The following SH3RF1 variants were observed in gnomAD, a reference collection of about 807,000 sequenced individuals.
SH3RF1 encodes the protein E3 ubiquitin-protein ligase SH3RF1.
In SH3RF1, 32 loss-of-function variants were observed where a neutral mutation model predicts 74.0. The ratio of observed to expected loss-of-function variants is 0.43; its 90% CI spans 0.33 to 0.58. The LOEUF is 0.58. Ranked by LOEUF, SH3RF1 falls within the 20% of genes least tolerant of loss-of-function variation. The pLI, the probability that SH3RF1 is intolerant of heterozygous loss-of-function variation, is 0.05. For missense variants in SH3RF1, 954 were observed against 1,130.9 expected (o/e 0.84, Z 2.24); for synonymous variants, 396 against 439.6 (o/e 0.90, Z 1.24).
At chr4:169,127,792 A>G (rs1055040705) in intron 6 of SH3RF1, among the ~76,000 whole-genome samples, 11 of 152,196 alleles carry the variant, frequency 7.2e-5, no homozygotes, top group African/African-American at 2.7e-4. Flanking sequence ...GCCATTTACT[A>G]CATTGTATAA....
intron 2 of SH3RF1, among the ~76,000 whole-genome samples, chr4:169,158,243 G>A (rs902031003): frequency 6.6e-6 from 1 of 152,202 alleles, no homozygotes; most frequent in Non-Finnish European, 1.5e-5. Context: ...CCTGGAGGAA[G>A]TGACACATGA....
intron 2 of SH3RF1, among the ~76,000 whole-genome samples, chr4:169,241,846 T>C (rs1001305773): frequency 2.6e-5 from 4 of 152,144 alleles, no homozygotes; most frequent in Non-Finnish European, 4.4e-5. Context: ...ACCTTGAGAT[T>C]TCCCTCTTCT....
At position 169,192,774 on chromosome 4, in the gene SH3RF1, T is replaced by C. The variant is rs142952694; in HGVS notation, c.394-36095A>G. On this transcript the variant is annotated intron_variant, in intron 2 of 11. Transcript: ENST00000284637. ...AAATGGATAAAGAAGCTGTTTCATA[T>C]ATATATACATATATGTTTCTTTTAT... Among the ~76,000 whole-genome samples the C allele has an allele frequency of 3.1e-3, 464 of 148,576 alleles. 2 individuals are homozygous for C. Among genetic ancestry groups the C allele is most frequent in the Admixed American group, 5.3e-3 (79 of 14,946 alleles).
intron 2 of SH3RF1, among the ~76,000 whole-genome samples, chr4:169,194,616 T>G (rs866410591): frequency 2.0e-5 from 3 of 152,230 alleles, no homozygotes; most frequent in African/African-American, 7.2e-5. Context: ...CATCTAATCT[T>G]GGTGAACACT....
intron 2 of SH3RF1, among the ~76,000 whole-genome samples, chr4:169,194,542 G>C (rs1355822591): frequency 6.6e-6 from 1 of 152,086 alleles, no homozygotes; most frequent in African/African-American, 2.4e-5. Context: ...ATGATTACGT[G>C]TGTCAGTTTA....
intron 2 of SH3RF1, among the ~76,000 whole-genome samples, chr4:169,177,477 A>T (rs1734440236): frequency 6.6e-6 from 1 of 152,236 alleles, no homozygotes; most frequent in African/African-American, 2.4e-5. Context: ...AAGCATTGAA[A>T]TTATCCCCAC....
intron 4 of SH3RF1, among the ~76,000 whole-genome samples, chr4:169,152,475 C>T (rs559079191): frequency 2.0e-5 from 3 of 152,312 alleles, no homozygotes; most frequent in Admixed American, 6.5e-5. Flanking sequence ...CGGTGGCTCA[C>T]GCTTGTAATC....
In SH3RF1 at chr4:169,117,758, A is replaced by G. The variant is rs146254408; in HGVS notation, c.1542T>C (p.Ala514=). 6.2e-7 allele frequency: 1 copy of G among 1,610,536 alleles called. No homozygotes were observed. Among genetic ancestry groups the G allele is most frequent in the African/African-American group, 1.3e-5 (1 of 75,008 alleles). ...VTRAVTNASQ[A]KVPMSTAGQT... ...GGCCAGCTGTAGACATAGGGACTTT[A>G]GCTTGGGAAGCATTTGTCACCGCCC... Residue 514 remains alanine (A), a synonymous_variant, in exon 9 of 12, where the codon GCT becomes GCC. Coordinates refer to ENST00000284637, the MANE Select transcript of SH3RF1 (RefSeq NM_020870.4).
At chr4:169,197,144 T>C (rs1734827003) in intron 2 of SH3RF1, among the ~76,000 whole-genome samples, 1 of 152,012 alleles carries the variant, frequency 6.6e-6, no homozygotes, top group Non-Finnish European at 1.5e-5. Context: ...TAGCTGGGAT[T>C]ACAGGTGCCT....
At chr4:169,168,097 G>A (rs546871944) in intron 2 of SH3RF1, among the ~76,000 whole-genome samples, 5 of 152,252 alleles carry the variant, frequency 3.3e-5, no homozygotes, top group African/African-American at 1.2e-4. Flanking sequence ...CTATGATTGT[G>A]TCACTGCAGT....
chr4:169,137,815 G>C (rs1032752797), intron 4 of SH3RF1, among the ~76,000 whole-genome samples: 1 of 152,202 alleles, frequency 6.6e-6, no homozygotes, highest in Non-Finnish European at 1.5e-5. Context: ...AGCAGTCACT[G>C]CTTCTACAGA....
intron 4 of SH3RF1, among the ~76,000 whole-genome samples, chr4:169,141,021 A>G (rs1197838264): frequency 7.1e-5 from 10 of 140,976 alleles, no homozygotes; most frequent in Non-Finnish European, 1.5e-4. Context: ...AGCTATTGAT[A>G]GTGTTAGTGT....
chr4:169,172,142 G>C (rs148569398), intron 2 of SH3RF1, among the ~76,000 whole-genome samples: 43 of 152,292 alleles, frequency 2.8e-4, no homozygotes, highest in African/African-American at 8.2e-4. Context: ...ATGAGCCTAA[G>C]AAAGCAAGAG....
rs993853610 is a variant in SH3RF1 at position 169,257,156 on chromosome 4, T to C, written c.393+11664A>G. On this transcript the variant is annotated intron_variant, in intron 2 of 11. Transcript: ENST00000284637. ...GAACAGAGGAAGTTCTGCCTGATAA[T>C]AAATCTCCTGCTTTTCCTATTACCA... Among the ~76,000 whole-genome samples, 3 of 152,152 alleles carry C rather than the reference T, an allele frequency of 2.0e-5. No homozygotes were observed. In the East Asian group the frequency reaches 5.8e-4, roughly 29 times the overall value.
chr4:169,116,331 G>A lies in SH3RF1; in HGVS notation c.2077C>T (p.Pro693Ser), dbSNP rs1477626249. Residue 693 changes from proline (P) to serine (S), a missense_variant, in exon 10 of 12, where the codon CCT (proline) becomes TCT (serine). Coordinates refer to ENST00000284637, the MANE Select transcript of SH3RF1 (RefSeq NM_020870.4). ...VTVLPGLPTSPDSASSACGNS... is the reference protein window; with the variant it reads ...VTVLPGLPTSSDSASSACGNS... ...CCACAAGCTGATGAAGCACTGTCAG[G>A]AGATGTGGGGAGTCCAGGGAGAACG... The A allele has an allele frequency of 6.2e-7, 1 of 1,614,026 alleles. No homozygotes were observed. Among genetic ancestry groups the A allele is most frequent in the African/African-American group, 1.3e-5 (1 of 74,946 alleles).
chr4:169,180,523 G>C (rs1278066699), intron 2 of SH3RF1, among the ~76,000 whole-genome samples: 1 of 152,218 alleles, frequency 6.6e-6, no homozygotes, highest in Non-Finnish European at 1.5e-5. Context: ...AAAGAAAAGA[G>C]ATGGCCGTTT....
At chr4:169,191,008 G>A (rs1423639233) in intron 2 of SH3RF1, among the ~76,000 whole-genome samples, 3 of 151,938 alleles carry the variant, frequency 2.0e-5, no homozygotes, top group African/African-American at 7.3e-5. Context: ...AAAAGCATTC[G>A]ACAAAATCCA....
rs553945933 is a variant in SH3RF1, at chr4:169,141,397, T to TCGGC, written c.766-4778_766-4777insGCCG. The stretch of plus-strand genomic sequence containing the variant: ...TAGAGACGTTGCCATTTACTATGTC[T>TCGGC]TGGCAGGCTCGTACAAGCATATCCA... On this transcript the variant is annotated intron_variant, in intron 4 of 11. Coordinates refer to ENST00000284637, the MANE Select transcript of SH3RF1 (RefSeq NM_020870.4). Among the ~76,000 whole-genome samples, 27 of 152,354 alleles carry TCGGC rather than the reference T, an allele frequency of 1.8e-4. 1 individual carries two copies. In the South Asian group the frequency reaches 5.6e-3, roughly 32 times the overall value.
At chr4:169,140,635 G>A (rs546169498) in intron 4 of SH3RF1, among the ~76,000 whole-genome samples, 9 of 152,264 alleles carry the variant, frequency 5.9e-5, no homozygotes, top group African/African-American at 2.2e-4. Flanking sequence ...CAACAAGGCA[G>A]CTTAAGAAAT....
Sources: gnomAD v4.1 joint callset for allele counts (sites outside exome capture counted in the v4.1 genomes callset) on GRCh38, gnomAD v4.1.1 for gene constraint, MANE v1.5 for transcripts, NCBI Gene and HGNC (gene_info 2026-07-23, HGNC 2026-07-21) for gene names.